The following MAP2K5 variants were observed in gnomAD, a reference collection of about 807,000 sequenced individuals.
MAP2K5 encodes the protein mitogen-activated protein kinase kinase 5.
Under a neutral mutation model 83.1 loss-of-function variants are expected in MAP2K5, and 49 were observed. That is an observed-to-expected ratio of 0.59 (90% CI 0.47 to 0.75). The LOEUF (loss-of-function observed/expected upper bound fraction) is 0.75, where lower values mean the gene tolerates loss of function less well. Ranked by LOEUF, MAP2K5 falls within the 30% of genes least tolerant of loss-of-function variation. The probability of loss-of-function intolerance (pLI) is 0.00; values close to 1 mark genes in which losing one functional copy is unlikely to be tolerated. For synonymous variants in MAP2K5, 202 were observed against 191.8 expected, an observed-to-expected ratio of 1.05 and a Z score of -0.44; for missense variants, 457 against 557.5, an observed-to-expected ratio of 0.82 and a Z score of 1.82.
rs552725393 is a variant in MAP2K5 at position 67,554,833 on chromosome 15, A to G, written c.184+4751A>G. On this transcript the variant is annotated intron_variant, in intron 2 of 21. Coordinates refer to ENST00000178640, the MANE Select transcript of MAP2K5 (RefSeq NM_145160.3). ...TATGTGTGTCCATATTCAAATGAAA[A>G]TTATAAAATGTATATGGTCTAAATC... Among the ~76,000 whole-genome samples, 6 of 152,342 alleles carry G rather than the reference A, an allele frequency of 3.9e-5. No individual in the cohort carries two copies. The South Asian group carries it at 6.2e-4, about 16-fold the overall frequency.
chr15:67,620,888 A>G (rs2086165879), intron 8 of MAP2K5, among the ~76,000 whole-genome samples: 1 of 152,214 alleles, frequency 6.6e-6, no homozygotes, highest in Non-Finnish European at 1.5e-5. Flanking sequence ...AATTCAGTAT[A>G]ATAGAGGAAG....
At chr15:67,586,523 C>T (rs1425531682) in intron 5 of MAP2K5, among the ~76,000 whole-genome samples, 1 of 152,082 alleles carries the variant, frequency 6.6e-6, no homozygotes, top group African/African-American at 2.4e-5. Context: ...CTACTAACCC[C>T]TGGGTATATT....
chr15:67,712,091 A>G (rs942766811), intron 16 of MAP2K5, among the ~76,000 whole-genome samples: 1 of 152,234 alleles, frequency 6.6e-6, no homozygotes, highest in Non-Finnish European at 1.5e-5. Context: ...ACCTGGCACC[A>G]TAGAAGTCTG....
At chr15:67,682,582 C>T (rs1218688646) in intron 13 of MAP2K5, among the ~76,000 whole-genome samples, 2 of 151,270 alleles carry the variant, frequency 1.3e-5, no homozygotes, top group Non-Finnish European at 3.0e-5. Context: ...ACCTGTAATC[C>T]CAGCACTTTG....
intron 21 of MAP2K5, among the ~76,000 whole-genome samples, chr15:67,789,069 A>T (rs1052195144): frequency 1.3e-5 from 2 of 151,878 alleles, no homozygotes; most frequent in Non-Finnish European, 2.9e-5. Flanking sequence ...ATCTCTAGAG[A>T]TAAGCATTGT....
chr15:67,671,046 G>T (rs1490511934), intron 13 of MAP2K5, among the ~76,000 whole-genome samples: 1 of 152,200 alleles, frequency 6.6e-6, no homozygotes, highest in Admixed American at 6.5e-5. Context: ...CTGCCTCACT[G>T]GGTGACCCCA....
At chr15:67,575,000 CT>C (rs1352179558) in intron 3 of MAP2K5, among the ~76,000 whole-genome samples, 4 of 152,064 alleles carry the variant, frequency 2.6e-5, no homozygotes, top group Non-Finnish European at 1.5e-5. Flanking sequence ...ATGGTATTTC[CT>C]GAGACCATAA....
chr15:67,695,597 T>A (rs2088232092), intron 15 of MAP2K5, among the ~76,000 whole-genome samples: 1 of 152,180 alleles, frequency 6.6e-6, no homozygotes. Flanking sequence ...ACACTGTAAT[T>A]TTTTAAAAGT....
chr15:67,586,051 T>C, intron 5 of MAP2K5, 121 bp downstream of exon 5: 2 of 877,758 alleles, frequency 2.3e-6, no homozygotes, highest in African/African-American at 1.7e-5. Context: ...CTTTTATTTT[T>C]TTTAAATGGG....
chr15:67,797,525 G>C (rs1354571264), intron 21 of MAP2K5, among the ~76,000 whole-genome samples: 1 of 152,100 alleles, frequency 6.6e-6, no homozygotes, highest in Non-Finnish European at 1.5e-5. Flanking sequence ...TACTGTTGGT[G>C]GTAAGAATCT....
chr15:67,629,044 G>A, intron 8 of MAP2K5: 1 of 749,050 alleles, frequency 1.3e-6, no homozygotes, highest in Non-Finnish European at 2.4e-6. Context: ...CCCTATGGTG[G>A]TGGAGGCCAA....
At chr15:67,687,348 T>C (rs2087983505) in intron 13 of MAP2K5, among the ~76,000 whole-genome samples, 1 of 152,220 alleles carries the variant, frequency 6.6e-6, no homozygotes, top group Admixed American at 6.5e-5. Flanking sequence ...GCTATTTATT[T>C]GCATAACTTT....
In MAP2K5 at chr15:67,692,569, C is replaced by G; in HGVS notation, c.921+17C>G. 2 of 1,594,618 alleles carry G rather than the reference C, an allele frequency of 1.3e-6. No individual in the cohort carries two copies. Among genetic ancestry groups the G allele is most frequent in the South Asian group, 2.2e-5 (2 of 90,472 alleles). On this transcript the variant is annotated intron_variant, in intron 14 of 21. Coordinates refer to ENST00000178640, the MANE Select transcript of MAP2K5 (RefSeq NM_145160.3). ...AGCACTCAGGTATGTCTCTTTTCCT[C>G]CCAGTGTACTGTTTTCTCTGCAACA...
intron 8 of MAP2K5, among the ~76,000 whole-genome samples, chr15:67,606,682 A>C (rs16951062): frequency 0.12 from 18,476 of 152,186 alleles, 1,228 homozygotes; most frequent in East Asian, 0.2. Flanking sequence ...GTAGAGGCCA[A>C]CTAAAACATT....
At chr15:67,710,437 A>G (rs2088662266) in intron 16 of MAP2K5, among the ~76,000 whole-genome samples, 2 of 151,966 alleles carry the variant, frequency 1.3e-5, no homozygotes, top group African/African-American at 2.4e-5. Flanking sequence ...GGTAAAGAAC[A>G]TAGTCAGAGA....
Position 67,711,617 on chromosome 15 carries a change from C to A in MAP2K5, c.1044+8209C>A. Among the ~76,000 whole-genome samples the A allele has an allele frequency of 1.3e-5, 2 of 152,328 alleles. 1 individual carries two copies. Among genetic ancestry groups the A allele is most frequent in the South Asian group, 4.1e-4 (2 of 4,826 alleles). ...GCTTTAGCTTACAGTTTCACCTCAA[C>A]CTCCACTAAAAATAGCCATAACGTG... On this transcript the variant is annotated intron_variant, in intron 16 of 21. Transcript: ENST00000178640.
chr15:67,761,196 C>T (rs767455002), intron 19 of MAP2K5, among the ~76,000 whole-genome samples: 9 of 152,068 alleles, frequency 5.9e-5, no homozygotes, highest in African/African-American at 2.2e-4. Context: ...GATGAACATT[C>T]TAACTGAACT....
At position 67,807,018 on chromosome 15, in the gene MAP2K5, G is replaced by A. The variant is rs2141355191; in HGVS notation, c.*268G>A. The A allele has an allele frequency of 7.3e-7, 1 of 1,378,808 alleles. No homozygotes were observed. Among genetic ancestry groups the A allele is most frequent in the Non-Finnish European group, 9.6e-7 (1 of 1,044,440 alleles). The allele number at this position is 1,378,808 out of a possible 1,614,324, so 85.4% of individuals were successfully genotyped here. On this transcript the variant is annotated 3_prime_UTR_variant, in exon 22 of 22. Transcript: ENST00000178640. The surrounding 1 kb of genome is among the most constrained non-coding windows in gnomAD (Gnocchi z 5.1). ...GGCATTGAGAATGGAGGCTCCCAGG[G>A]TCCCTGCCCACTTCTGTTTTCCTAA... is the stretch of plus-strand genomic sequence containing the variant.
Position 67,774,157 on chromosome 15 carries a change from ATGTGTGTGTATG to A in MAP2K5, c.1242+1415_1242+1426del, listed in dbSNP as rs2090193994. Among the ~76,000 whole-genome samples, 1 of 48,834 alleles carries A rather than the reference ATGTGTGTGTATG, an allele frequency of 2.0e-5. No homozygotes were observed. 32.0% of individuals were successfully genotyped at this position (48,834 alleles called of 152,430 possible). ...ACTTTCAGTGCCTTGAAAGCAAGTGATGTGTGTGTATGTGTGTGTGTGTGTGTGTGTGTGTGT... is the reference window on the plus strand; with the variant it reads ...ACTTTCAGTGCCTTGAAAGCAAGTGATGTGTGTGTGTGTGTGTGTGTGTGT... On this transcript the variant is annotated intron_variant, in intron 21 of 21. Transcript: ENST00000178640. This position sits in a 1 kb window ranked among gnomAD's most constrained non-coding sequence, Gnocchi z 4.9.
Sources: gnomAD v4.1 joint callset for allele counts (sites outside exome capture counted in the v4.1 genomes callset) on GRCh38, gnomAD v4.1.1 for gene constraint, Gnocchi (gnomAD v3.1) non-coding constraint, MANE v1.5 for transcripts, NCBI Gene and HGNC (gene_info 2026-07-23, HGNC 2026-07-21) for gene names.